ZNF280C: variants seen among roughly 807,000 people sequenced by gnomAD.
ZNF280C encodes suppressor of hairy wing homolog 3.
A neutral mutation model predicts 53.6 loss-of-function variants in ZNF280C; 14 were observed. The ratio of observed to expected loss-of-function variants is 0.26; its 90% CI spans 0.17 to 0.41. ZNF280C has a LOEUF of 0.41. Ranked by LOEUF, ZNF280C falls within the 10% of genes least tolerant of loss-of-function variation. The pLI, the probability that ZNF280C is intolerant of heterozygous loss-of-function variation, is 1.00. For missense variants in ZNF280C, 416 were observed against 547.1 expected (o/e 0.76, Z 2.39); for synonymous variants, 203 against 181.1 (o/e 1.12, Z -0.97).
intron 8 of ZNF280C, 30 bp from the exon 9 acceptor site, chrX:130,230,757 C>A (rs758123916): frequency 1.0e-6 from 1 of 987,015 alleles, no homozygotes; most frequent in South Asian, 2.2e-5. Context: ...TGAGCCTTGT[C>A]TACAGCTCTT....
intron 8 of ZNF280C, among the ~76,000 whole-genome samples, 186 bp downstream of exon 8, chrX:130,236,028 G>C (rs1337292272): frequency 8.9e-6 from 1 of 111,804 alleles, no homozygotes; most frequent in Non-Finnish European, 1.9e-5. Context: ...TTCATCATTG[G>C]AAAGGATTTT....
intron 16 of ZNF280C, among the ~76,000 whole-genome samples, chrX:130,208,269 A>T (rs753550831): frequency 9.0e-6 from 1 of 111,387 alleles, no homozygotes; most frequent in Admixed American, 9.5e-5. Context: ...AGCTGGGATG[A>T]CAGGCATGCG....
At chrX:130,213,019 G>A (rs958358115) in intron 15 of ZNF280C, among the ~76,000 whole-genome samples, 1 of 111,714 alleles carries the variant, frequency 9.0e-6, no homozygotes, top group African/African-American at 3.3e-5. Context: ...AACAACTGAG[G>A]GACTAGAATA....
intron 1 of ZNF280C, among the ~76,000 whole-genome samples, chrX:130,266,257 C>T (rs1344806124): frequency 9.0e-6 from 1 of 111,623 alleles, no homozygotes; most frequent in Non-Finnish European, 1.9e-5. Context: ...GGGAAAAATG[C>T]TGTATGATCT....
At chrX:130,205,024 T>G in intron 18 of ZNF280C, 32 bp from the exon 19 acceptor site, 1 of 1,015,715 alleles carries the variant, frequency 9.8e-7, no homozygotes, top group Non-Finnish European at 1.3e-6. Flanking sequence ...ACTTTAATAT[T>G]TTTCATTTAT....
At chrX:130,264,593 A>T (rs1297270792) in intron 1 of ZNF280C, among the ~76,000 whole-genome samples, 1 of 111,174 alleles carries the variant, frequency 9.0e-6, no homozygotes, top group Non-Finnish European at 1.9e-5. Context: ...CAATGACCAT[A>T]TGGTTAGCTA....
intron 12 of ZNF280C, among the ~76,000 whole-genome samples, 156 bp from the exon 13 acceptor site, chrX:130,220,636 CCTT>C (rs1305509380): frequency 9.0e-6 from 1 of 111,673 alleles, no homozygotes; most frequent in Admixed American, 9.5e-5. Context: ...TAAAAGTACT[CCTT>C]GTGTTAGTAT....
At chrX:130,205,833 G>A (rs958660584) in intron 16 of ZNF280C, among the ~76,000 whole-genome samples, 3 of 103,946 alleles carry the variant, frequency 2.9e-5, no homozygotes, top group African/African-American at 7.1e-5. Context: ...AGGTTGCAGT[G>A]AGCCAAGATT....
At chrX:130,241,961 C>T (rs750782139) in intron 5 of ZNF280C, among the ~76,000 whole-genome samples, 9 of 89,925 alleles carry the variant, frequency 1.0e-4, no homozygotes, top group African/African-American at 4.2e-4. Flanking sequence ...CTCAGCTGGG[C>T]GTGGTGGCTC....
At chrX:130,217,987 T>C (rs1317915244) in intron 13 of ZNF280C, among the ~76,000 whole-genome samples, 1 of 111,215 alleles carries the variant, frequency 9.0e-6, no homozygotes. Flanking sequence ...CCTGGGCAAC[T>C]CATCTCTACC....
At chrX:130,267,824 A>G (rs774570695) in intron 1 of ZNF280C, among the ~76,000 whole-genome samples, 6 of 112,058 alleles carry the variant, frequency 5.4e-5, no homozygotes, top group Admixed American at 1.9e-4. Context: ...ACTAAAAGAC[A>G]TTACAACTCA....
intron 8 of ZNF280C, among the ~76,000 whole-genome samples, chrX:130,234,759 C>A (rs1208161939): frequency 1.8e-5 from 2 of 111,551 alleles, no homozygotes. Context: ...ACTGTAATAT[C>A]TACTAAAATA....
Position 130,202,896 on chromosome X carries a change from A to T in ZNF280C, c.*2081T>A, listed in dbSNP as rs2031929486. On this transcript the variant is annotated 3_prime_UTR_variant, in exon 19 of 19. Transcript: ENST00000370978. Reference sequence around the variant, plus strand: ...AGAAACAAGTGCATTTTTTGGTCCCAATATTTTTTGAATATATTATCTTTA... The same window carrying T: ...AGAAACAAGTGCATTTTTTGGTCCCTATATTTTTTGAATATATTATCTTTA... The T allele has an allele frequency of 8.9e-6, 1 of 111,859 alleles. No homozygotes were observed. The highest frequency in any genetic ancestry group is 1.9e-5 in the Non-Finnish European group (1 of 53,205). The allele number at this position is 111,859 out of a possible 1,213,427, so 9.2% of individuals were successfully genotyped here.
intron 12 of ZNF280C, among the ~76,000 whole-genome samples, chrX:130,222,502 A>C (rs1369880669): frequency 1.8e-5 from 2 of 111,704 alleles, no homozygotes; most frequent in African/African-American, 6.5e-5. Context: ...CAGCAGGCAC[A>C]ATTTAACTAG....
intron 3 of ZNF280C, among the ~76,000 whole-genome samples, chrX:130,246,561 T>C (rs1455638062): frequency 8.9e-6 from 1 of 112,354 alleles, no homozygotes; most frequent in African/African-American, 3.2e-5. Flanking sequence ...CTTGGTTCCA[T>C]TAAAAATTAT....
intron 7 of ZNF280C, 69 bp from the exon 8 acceptor site, chrX:130,236,389 G>T: frequency 8.9e-7 from 1 of 1,121,310 alleles, no homozygotes; most frequent in Non-Finnish European, 1.2e-6. Context: ...CACTAATAAT[G>T]GTTTTAAAAT....
At chrX:130,259,703 T>G (rs1326717115) in intron 2 of ZNF280C, among the ~76,000 whole-genome samples, 1 of 112,588 alleles carries the variant, frequency 8.9e-6, no homozygotes, top group Non-Finnish European at 1.9e-5. Context: ...TTAATAAATA[T>G]TTGTTTTGGC....
chrX:130,218,179 A>T (rs2032124733), intron 13 of ZNF280C, among the ~76,000 whole-genome samples: 1 of 111,770 alleles, frequency 8.9e-6, no homozygotes, highest in Admixed American at 9.5e-5. Context: ...AAACAAACAA[A>T]AAAACCCAAC....
chrX:130,260,397 C>T, intron 2 of ZNF280C, 22 bp downstream of exon 2: 5 of 1,185,936 alleles, frequency 4.2e-6, no homozygotes, highest in Non-Finnish European at 4.5e-6. Flanking sequence ...CTATTAGTAT[C>T]AACTACAGCA....
Sources: allele counts gnomAD v4.1 joint callset (sites outside exome capture counted in the v4.1 genomes callset), GRCh38; gene constraint gnomAD v4.1.1; transcripts MANE v1.5; gene names NCBI Gene and HGNC (gene_info 2026-07-23, HGNC 2026-07-21).